Variants in LARP4B observed in about 807,000 individuals in gnomAD.
LARP4B encodes the protein la-related protein 4B.
Under a neutral mutation model 89.8 loss-of-function variants are expected in LARP4B, and 12 were observed. The ratio of observed to expected loss-of-function variants is 0.13; its 90% confidence interval spans 0.09 to 0.22. LARP4B has a LOEUF of 0.22. LARP4B is among the 10% of genes least tolerant of loss of function. LARP4B has a pLI of 1.00. For synonymous variants in LARP4B, 367 were observed against 363.3 expected, an observed-to-expected ratio of 1.01 and a Z score of -0.12; for missense variants, 757 against 947.7, an observed-to-expected ratio of 0.80 and a Z score of 2.64.
intron 7 of LARP4B, among the ~76,000 whole-genome samples, chr10:837,658 G>A (rs1833295902): frequency 6.6e-6 from 1 of 152,172 alleles, no homozygotes; most frequent in Non-Finnish European, 1.5e-5. Context: ...ACGTGCACGG[G>A]CAGTCAATAC....
chr10:940,963 G>A, the LARP4B span, among the ~76,000 whole-genome samples: 1 of 152,324 alleles, frequency 6.6e-6, no homozygotes, highest in East Asian at 1.9e-4. Context: ...GTGAGTGTTG[G>A]CCAGGACATG....
intron 5 of LARP4B, among the ~76,000 whole-genome samples, chr10:854,164 G>C (rs1398376710): frequency 6.6e-6 from 1 of 152,152 alleles, no homozygotes; most frequent in Non-Finnish European, 1.5e-5. Flanking sequence ...CATATTTTCA[G>C]GCTGTACTTC....
chr10:829,688 G>C lies in LARP4B; in HGVS notation c.908C>G (p.Pro303Arg). 6.2e-7 allele frequency: 1 copy of C among 1,612,618 alleles called. No homozygotes were observed. The highest frequency in any genetic ancestry group is 8.5e-7 in the Non-Finnish European group (1 of 1,178,810). ...ACCAATGGTCTTGCTTACCTTAATT[G>C]GTTTTCCTTGAAAAGTTTTGACTTC... ...REEVKTFQGKPIKARIKAKAI... is the reference protein window; with the variant it reads ...REEVKTFQGKRIKARIKAKAI... Residue 303 changes from proline to arginine, a missense_variant, in exon 10 of 18, where the codon CCA becomes CGA. By Grantham distance (103) the Pro-to-Arg change is moderately radical. This residue lies in a region of LARP4B where 137 missense variants were observed against 213.9 expected (regional missense o/e 0.64). Transcript: ENST00000316157.
the LARP4B span, among the ~76,000 whole-genome samples, chr10:975,718 C>T: frequency 2.3e-4 from 35 of 152,112 alleles, no homozygotes; most frequent in African/African-American, 7.7e-4. Context: ...ATGTGCAGCC[C>T]GGCCTAGTAG....
At position 812,031 on chromosome 10, in the gene LARP4B, C is replaced by T. The variant is rs1831756839; in HGVS notation, c.*895G>A. ...CTGATGCAGAGGTACAGGGAGATGT[C>T]CACACGGAGCTGAAGATGTGGACTC... On this transcript the variant is annotated 3_prime_UTR_variant, in exon 18 of 18. Coordinates refer to ENST00000316157, the MANE Select transcript of LARP4B (RefSeq NM_015155.3). The T allele has an allele frequency of 6.6e-6, 1 of 152,598 alleles. No individual in the cohort carries two copies. Among genetic ancestry groups the T allele is most frequent in the African/African-American group, 2.4e-5 (1 of 41,422 alleles). The allele number at this position is 152,598 out of a possible 1,614,324, so 9.5% of individuals were successfully genotyped here.
intron 3 of LARP4B, among the ~76,000 whole-genome samples, chr10:881,407 A>G (rs1835661939): frequency 6.6e-6 from 1 of 152,102 alleles, no homozygotes; most frequent in African/African-American, 2.4e-5. Context: ...TACTCTTGCT[A>G]AGGTCACAAC....
Position 865,899 on chromosome 10 carries a change from C to G in LARP4B, c.142-1629G>C, listed in dbSNP as rs1050347827. ...GCAAGCTGGGAGCAGTTACACTGCA[C>G]TACCCCAGCATGCAGCATAGACACA... On this transcript the variant is annotated intron_variant, in intron 3 of 17. Transcript: ENST00000316157. 2.0e-5 allele frequency among the ~76,000 whole-genome samples: 3 copies of G among 152,206 alleles called. No individual in the cohort carries two copies. In the South Asian group the frequency reaches 6.2e-4, roughly 31 times the overall value.
intron 1 of LARP4B, among the ~76,000 whole-genome samples, chr10:901,142 C>G (rs1190750140): frequency 2.0e-5 from 3 of 151,646 alleles, no homozygotes; most frequent in Non-Finnish European, 4.4e-5. Flanking sequence ...GTTTCGAACT[C>G]CTGACCTCCT....
At chr10:839,533 C>T (rs1833407429) in intron 7 of LARP4B, among the ~76,000 whole-genome samples, 1 of 152,150 alleles carries the variant, frequency 6.6e-6, no homozygotes, top group Non-Finnish European at 1.5e-5. Flanking sequence ...GGCAAATAAG[C>T]TCATTTAAAA....
chr10:928,595 G>C (rs562370176), intron 1 of LARP4B, among the ~76,000 whole-genome samples: 5 of 152,208 alleles, frequency 3.3e-5, no homozygotes, highest in Admixed American at 6.5e-5. Flanking sequence ...TGTTTTGGGG[G>C]TGGGGGGAGA....
At chr10:848,106 T>C (rs1426180123) in intron 5 of LARP4B, among the ~76,000 whole-genome samples, 1 of 152,186 alleles carries the variant, frequency 6.6e-6, no homozygotes, top group Admixed American at 6.5e-5. Flanking sequence ...AAGAACCACC[T>C]GAGGGGATCA....
intron 1 of LARP4B, among the ~76,000 whole-genome samples, chr10:918,913 A>T (rs898607461): frequency 4.7e-5 from 7 of 149,936 alleles, no homozygotes; most frequent in Non-Finnish European, 8.9e-5. Flanking sequence ...CATCTCTAAT[A>T]AAAAAAAATA....
intron 5 of LARP4B, among the ~76,000 whole-genome samples, chr10:857,924 A>T (rs1834392614): frequency 6.6e-6 from 1 of 152,224 alleles, no homozygotes; most frequent in Non-Finnish European, 1.5e-5. Flanking sequence ...CATCCTAAAC[A>T]ACTGATAAAA....
the LARP4B span, among the ~76,000 whole-genome samples, chr10:950,212 T>C: frequency 6.6e-6 from 1 of 152,368 alleles, no homozygotes; most frequent in East Asian, 1.9e-4. Context: ...CTTCTTAACA[T>C]AGCCTTTTGC....
chr10:934,883 C>T (rs1376018113), upstream of LARP4B, among the ~76,000 whole-genome samples: 2 of 152,144 alleles, frequency 1.3e-5, no homozygotes, highest in African/African-American at 2.4e-5. Flanking sequence ...AGTGGCGTCG[C>T]GGTTGGTCTC....
chr10:936,175 C>T (rs1267447945), upstream of LARP4B, among the ~76,000 whole-genome samples: 3 of 152,076 alleles, frequency 2.0e-5, no homozygotes, highest in Non-Finnish European at 2.9e-5. Flanking sequence ...TGAGTACCTA[C>T]GCGGTCTCAG....
At chr10:963,955 C>G in the LARP4B span, among the ~76,000 whole-genome samples, 1 of 152,174 alleles carries the variant, frequency 6.6e-6, no homozygotes, top group Non-Finnish European at 1.5e-5. Context: ...TTGGGGGACA[C>G]ATTCAAACCA....
chr10:854,855 G>C (rs1834224489), intron 5 of LARP4B, among the ~76,000 whole-genome samples: 1 of 152,156 alleles, frequency 6.6e-6, no homozygotes, highest in Non-Finnish European at 1.5e-5. Context: ...GAAAGTCCTA[G>C]ATAACATTTC....
the LARP4B span, among the ~76,000 whole-genome samples, chr10:959,236 G>A: frequency 7.7e-3 from 1,172 of 152,214 alleles, 15 homozygotes; most frequent in Middle Eastern, 0.014. Flanking sequence ...GGAAATATGC[G>A]TATTCTCCCC....
Sources: allele counts gnomAD v4.1 joint callset (sites outside exome capture counted in the v4.1 genomes callset), GRCh38; gene constraint gnomAD v4.1.1; regional missense constraint gnomAD v4.1.1; transcripts MANE v1.5; gene names NCBI Gene and HGNC (gene_info 2026-07-23, HGNC 2026-07-21).